The following NALF1 variants were observed in gnomAD, a reference collection of about 807,000 sequenced individuals.
The protein encoded by NALF1 is NALCN channel auxiliary factor 1.
NALF1 carries 3 observed loss-of-function variants against 48.4 expected under a neutral mutation model. The observed-to-expected ratio is 0.06, with a 90% confidence interval of 0.03 to 0.16. The LOEUF is 0.16. NALF1 is among the 10% of genes least tolerant of loss of function. The pLI is 1.00. For synonymous variants in NALF1, 262 were observed against 245.7 expected, an observed-to-expected ratio of 1.07 and a Z score of -0.62; for missense variants, 526 against 571.5, an observed-to-expected ratio of 0.92 and a Z score of 0.81.
chr13:107,426,599 C>T lies in NALF1; in HGVS notation c.916-215844G>A, dbSNP rs1485307789. 3.9e-5 allele frequency among the ~76,000 whole-genome samples: 6 copies of T among 152,144 alleles called. No homozygotes were observed. The East Asian group carries it at 9.7e-4, about 24-fold the overall frequency. The stretch of plus-strand genomic sequence containing the variant: ...CAACCATAAAAAAGGAAAGAGCTTG[C>T]GAAGGGTCAAATCACATGTGCTTTT... On this transcript the variant is annotated intron_variant, in intron 1 of 2. Coordinates refer to ENST00000375915, the MANE Select transcript of NALF1 (RefSeq NM_001080396.3).
At chr13:107,816,996 T>C (rs554036840) in intron 1 of NALF1, among the ~76,000 whole-genome samples, 1 of 152,312 alleles carries the variant, frequency 6.6e-6, no homozygotes, top group Admixed American at 6.5e-5. Flanking sequence ...AAATGTAGGG[T>C]TTTTTGTATT....
At chr13:107,626,434 G>A (rs1879675842) in intron 1 of NALF1, among the ~76,000 whole-genome samples, 1 of 151,900 alleles carries the variant, frequency 6.6e-6, no homozygotes, top group Admixed American at 6.6e-5. Flanking sequence ...AAAGAAGAAA[G>A]GAAATCAATA....
At chr13:107,777,666 C>T (rs1877776842) in intron 1 of NALF1, among the ~76,000 whole-genome samples, 1 of 152,184 alleles carries the variant, frequency 6.6e-6, no homozygotes, top group Non-Finnish European at 1.5e-5. Context: ...GCTATGCTTC[C>T]TCTACACCCT....
chr13:107,566,412 CTGTAGTGGTGCAA>C (rs1193522608), intron 1 of NALF1, among the ~76,000 whole-genome samples: 1 of 152,180 alleles, frequency 6.6e-6, no homozygotes, highest in African/African-American at 2.4e-5. Context: ...CTGGGAGCAA[CTGTAGTGGTGCAA>C]TGGCCCTGGA....
intron 1 of NALF1, among the ~76,000 whole-genome samples, chr13:107,261,117 A>C (rs1317242170): frequency 6.6e-6 from 1 of 152,258 alleles, no homozygotes; most frequent in Non-Finnish European, 1.5e-5. Flanking sequence ...TAGTTAACCT[A>C]TCTGAGCTAA....
intron 1 of NALF1, among the ~76,000 whole-genome samples, chr13:107,242,830 C>T (rs1487100288): frequency 6.6e-6 from 1 of 152,074 alleles, no homozygotes; most frequent in African/African-American, 2.4e-5. Flanking sequence ...ATTTGTTGGA[C>T]AGGTGAGCTC....
At chr13:107,630,926 G>A (rs1335194297) in intron 1 of NALF1, among the ~76,000 whole-genome samples, 1 of 152,092 alleles carries the variant, frequency 6.6e-6, no homozygotes, top group Non-Finnish European at 1.5e-5. Flanking sequence ...ACCTAAATGT[G>A]TAAATATAGT....
chr13:107,777,673 C>T (rs9559153), intron 1 of NALF1, among the ~76,000 whole-genome samples: 12,321 of 152,220 alleles, frequency 0.081, 631 homozygotes, highest in East Asian at 0.17. Context: ...TTCCTCTACA[C>T]CCTGCAAAAC....
intron 1 of NALF1, among the ~76,000 whole-genome samples, chr13:107,304,621 G>A (rs912805440): frequency 2.0e-5 from 3 of 152,140 alleles, no homozygotes; most frequent in Admixed American, 1.3e-4. Context: ...CTAGTCTACC[G>A]CTTCTTAAAG....
chr13:107,477,730 T>C (rs1347415783), intron 1 of NALF1, among the ~76,000 whole-genome samples: 2 of 152,040 alleles, frequency 1.3e-5, no homozygotes, highest in Non-Finnish European at 1.5e-5. Flanking sequence ...TATTTTAGGA[T>C]TGATTAGGGC....
intron 1 of NALF1, among the ~76,000 whole-genome samples, chr13:107,843,450 C>A (rs1455876483): frequency 6.6e-6 from 1 of 152,160 alleles, no homozygotes; most frequent in Non-Finnish European, 1.5e-5. Flanking sequence ...CCTCGAATCT[C>A]CCTTTGTCAA....
rs776102966 is a variant in NALF1, at chr13:107,717,531, GTTCA to G, written c.915+148147_915+148150del. On this transcript the variant is annotated intron_variant, in intron 1 of 2. Transcript: ENST00000375915. ...CCCTTGGGATGTGGAATCAGAATGT[GTTCA>G]TTAAGGTATCTCGGAGATGTTAGGT... Among the ~76,000 whole-genome samples the G allele has an allele frequency of 1.4e-4, 21 of 151,784 alleles. 1 individual carries two copies. In the South Asian group the frequency reaches 4.0e-3, roughly 29 times the overall value.
At chr13:107,199,258 G>A (rs1406145517) in intron 2 of NALF1, among the ~76,000 whole-genome samples, 4 of 152,168 alleles carry the variant, frequency 2.6e-5, no homozygotes, top group East Asian at 1.9e-4. Flanking sequence ...AAGACACAGC[G>A]AGAAGGCAGT....
intron 1 of NALF1, among the ~76,000 whole-genome samples, chr13:107,731,337 T>C (rs1876302774): frequency 6.6e-6 from 1 of 152,176 alleles, no homozygotes; most frequent in African/African-American, 2.4e-5. Context: ...TCATTCACAA[T>C]AAAACATTAT....
At position 107,662,433 on chromosome 13, in the gene NALF1, A is replaced by C. The variant is rs9555396; in HGVS notation, c.915+203249T>G. Among the ~76,000 whole-genome samples the C allele has an allele frequency of 0.019, 2,829 of 152,324 alleles. 150 individuals carry two copies. In the East Asian group the frequency reaches 0.2, roughly 11 times the overall value. On this transcript the variant is annotated intron_variant, in intron 1 of 2. Transcript: ENST00000375915. ...GCAGACTTTTAAAAGTATTGAAAGC[A>C]TGAACAGTGTTGCCTGTTAATGCTT... is the stretch of plus-strand genomic sequence containing the variant.
At chr13:107,382,211 G>C (rs1883453130) in intron 1 of NALF1, among the ~76,000 whole-genome samples, 2 of 152,076 alleles carry the variant, frequency 1.3e-5, no homozygotes, top group South Asian at 4.1e-4. Context: ...TGACCCAGTT[G>C]CTATATAAAT....
intron 1 of NALF1, among the ~76,000 whole-genome samples, chr13:107,392,560 C>A (rs1023640915): frequency 2.0e-5 from 3 of 152,072 alleles, no homozygotes; most frequent in African/African-American, 7.2e-5. Flanking sequence ...AGGGAGACAC[C>A]AAGGTCTCTC....
At chr13:107,835,316 T>G (rs149511623) in intron 1 of NALF1, 5 of 152,278 alleles carry the variant, frequency 3.3e-5, no homozygotes, top group African/African-American at 9.6e-5. Flanking sequence ...ATATCTCCCC[T>G]TCCCCAAATG....
At chr13:107,452,911 G>A (rs1013563225) in intron 1 of NALF1, among the ~76,000 whole-genome samples, 1 of 152,182 alleles carries the variant, frequency 6.6e-6, no homozygotes, top group African/African-American at 2.4e-5. Flanking sequence ...CCCCATGCAA[G>A]TCTGAAATCC....
Sources: gnomAD v4.1 joint callset for allele counts (sites outside exome capture counted in the v4.1 genomes callset) on GRCh38, gnomAD v4.1.1 for gene constraint, MANE v1.5 for transcripts, NCBI Gene and HGNC (gene_info 2026-07-23, HGNC 2026-07-21) for gene names.